SCFD2: variants seen among roughly 807,000 people sequenced by gnomAD.
The protein encoded by SCFD2 is sec1 family domain-containing protein 2.
A neutral mutation model predicts 58.9 loss-of-function variants in SCFD2; 54 were observed. The ratio of observed to expected loss-of-function variants is 0.92; its 90% CI spans 0.74 to 1.15. The LOEUF is 1.15. SCFD2 is among the 50% of genes most tolerant of loss of function. SCFD2 has a pLI of 0.00. For missense variants in SCFD2, 805 were observed against 836.6 expected (o/e 0.96, Z 0.47); for synonymous variants, 321 against 335.9 (o/e 0.96, Z 0.49).
chr4:53,037,880 T>C (rs114587421), intron 5 of SCFD2, among the ~76,000 whole-genome samples: 1,825 of 152,190 alleles, frequency 0.012, 33 homozygotes, highest in African/African-American at 0.042. Flanking sequence ...AAAAAATCTA[T>C]TGATAAACAT....
chr4:52,920,628 G>T, intron 6 of SCFD2, 97 bp downstream of exon 6: 2 of 797,274 alleles, frequency 2.5e-6, no homozygotes, highest in Non-Finnish European at 3.8e-6. Context: ...ACAAACCTTT[G>T]GTTTTAGGAA....
At chr4:53,235,795 ACGTGTG>A (rs1209962885) in intron 4 of SCFD2, among the ~76,000 whole-genome samples, 1 of 152,166 alleles carries the variant, frequency 6.6e-6, no homozygotes, top group Admixed American at 6.5e-5. Flanking sequence ...GTGTGTGCAT[ACGTGTG>A]TGCATACATA....
At chr4:52,889,857 C>T (rs768208476) in intron 7 of SCFD2, among the ~76,000 whole-genome samples, 4 of 152,174 alleles carry the variant, frequency 2.6e-5, no homozygotes, top group Non-Finnish European at 5.9e-5. Flanking sequence ...CAACCATACA[C>T]CTTGGGGATT....
chr4:52,906,525 G>T (rs769613364), intron 7 of SCFD2, among the ~76,000 whole-genome samples: 2 of 152,162 alleles, frequency 1.3e-5, no homozygotes, highest in Non-Finnish European at 2.9e-5. Context: ...AAAAAATATA[G>T]AAGGAAAATG....
chr4:52,983,739 T>G (rs1380227100), intron 5 of SCFD2, among the ~76,000 whole-genome samples: 1 of 152,180 alleles, frequency 6.6e-6, no homozygotes, highest in African/African-American at 2.4e-5. Context: ...CCCATCTAGA[T>G]AATGAAAATG....
intron 5 of SCFD2, among the ~76,000 whole-genome samples, chr4:52,961,324 T>C (rs1720848386): frequency 6.6e-6 from 1 of 152,050 alleles, no homozygotes; most frequent in South Asian, 2.1e-4. Context: ...CTGGCGGCCA[T>C]TTTGCTACTA....
chr4:53,255,650 C>G (rs927913145), intron 4 of SCFD2, among the ~76,000 whole-genome samples: 14 of 152,242 alleles, frequency 9.2e-5, no homozygotes, highest in Non-Finnish European at 2.9e-5. Context: ...ATTTCTCAAT[C>G]TTTTCCCCAC....
intron 4 of SCFD2, among the ~76,000 whole-genome samples, chr4:53,219,056 G>A (rs1195883788): frequency 1.3e-5 from 2 of 152,182 alleles, no homozygotes; most frequent in African/African-American, 2.4e-5. Flanking sequence ...CTACTAGAGG[G>A]TGCCTCCCCT....
intron 4 of SCFD2, among the ~76,000 whole-genome samples, chr4:53,192,178 G>A (rs1727933397): frequency 6.6e-6 from 1 of 152,140 alleles, no homozygotes; most frequent in African/African-American, 2.4e-5. Context: ...AAGAGTAGTT[G>A]CCCCTTGACA....
At chr4:52,944,505 G>C (rs909654492) in intron 5 of SCFD2, among the ~76,000 whole-genome samples, 17 of 152,158 alleles carry the variant, frequency 1.1e-4, no homozygotes, top group African/African-American at 3.4e-4. Flanking sequence ...CAGTTCTTTA[G>C]GGTCCATGCT....
intron 2 of SCFD2, among the ~76,000 whole-genome samples, chr4:53,346,077 T>C (rs1391360177): frequency 6.6e-6 from 1 of 152,044 alleles, no homozygotes; most frequent in Non-Finnish European, 1.5e-5. Context: ...TGTGCACGTG[T>C]ACCCTAGAAC....
chr4:53,315,029 G>A (rs1290060433), intron 2 of SCFD2, among the ~76,000 whole-genome samples: 2 of 152,058 alleles, frequency 1.3e-5, no homozygotes, highest in African/African-American at 2.4e-5. Context: ...TAGTTTAGAA[G>A]ACAAGGCAGA....
chr4:53,298,194 A>C (rs1372749449), intron 3 of SCFD2, among the ~76,000 whole-genome samples: 1 of 152,140 alleles, frequency 6.6e-6, no homozygotes, highest in Non-Finnish European at 1.5e-5. Context: ...TCCCTTTCCT[A>C]GTCAAAGAAA....
intron 4 of SCFD2, among the ~76,000 whole-genome samples, chr4:53,224,200 C>T (rs948053984): frequency 3.3e-5 from 5 of 152,092 alleles, no homozygotes; most frequent in African/African-American, 1.2e-4. Context: ...ACCAGCCTAA[C>T]CAACATGGTA....
chr4:52,946,405 A>G (rs918117883), intron 5 of SCFD2, among the ~76,000 whole-genome samples: 3 of 152,156 alleles, frequency 2.0e-5, no homozygotes, highest in East Asian at 1.9e-4. Flanking sequence ...CAAAATTACC[A>G]AAGTATTCTT....
chr4:52,978,949 T>TG (rs1056871474), intron 5 of SCFD2, among the ~76,000 whole-genome samples: 3 of 152,044 alleles, frequency 2.0e-5, no homozygotes, highest in African/African-American at 7.2e-5. Flanking sequence ...TTTGTAGAGA[T>TG]GGGGTCTTGC....
chr4:53,145,450 T>G lies in SCFD2; in HGVS notation c.1444A>C (p.Thr482Pro). Residue 482 changes from threonine to proline, a missense_variant, in exon 5 of 9, where the codon ACT (threonine) becomes CCT (proline). This residue lies in a region of SCFD2 where 633 missense variants were observed against 646.8 expected (regional missense o/e 0.98). Coordinates refer to ENST00000401642, the MANE Select transcript of SCFD2 (RefSeq NM_152540.4). ...LILLIYIYSV[T>P]GELTVDKDLC... The stretch of plus-strand genomic sequence containing the variant: ...TCTTTGTCTACCGTGAGCTCTCCAG[T>G]GACAGAATAAATATATATGAGAAGG... The G allele has an allele frequency of 6.2e-7, 1 of 1,614,110 alleles. No individual in the cohort carries two copies. The highest frequency in any genetic ancestry group is 8.5e-7 in the Non-Finnish European group (1 of 1,180,012).
intron 4 of SCFD2, among the ~76,000 whole-genome samples, chr4:53,226,528 T>G (rs959662630): frequency 1.3e-5 from 2 of 152,134 alleles, no homozygotes; most frequent in Admixed American, 6.6e-5. Context: ...TTTAAAAAAT[T>G]TTTCACTAAC....
intron 4 of SCFD2, among the ~76,000 whole-genome samples, chr4:53,194,892 G>T (rs1728016236): frequency 1.3e-5 from 2 of 152,170 alleles, no homozygotes; most frequent in Admixed American, 6.5e-5. Flanking sequence ...CCACACATTT[G>T]AGCATCATGG....
Sources: allele counts gnomAD v4.1 joint callset (sites outside exome capture counted in the v4.1 genomes callset), GRCh38; gene constraint gnomAD v4.1.1; regional missense constraint gnomAD v4.1.1; transcripts MANE v1.5; gene names NCBI Gene and HGNC (gene_info 2026-07-23, HGNC 2026-07-21).